The following CPXM2 variants were observed in gnomAD, a reference collection of about 807,000 sequenced individuals.
CPXM2 encodes the protein carboxypeptidase X, M14 family member 2.
In CPXM2, 66 loss-of-function variants were observed where a neutral mutation model predicts 86.1. The observed-to-expected ratio is 0.77, with a 90% CI of 0.63 to 0.94. The LOEUF (loss-of-function observed/expected upper bound fraction) is 0.94. Ranked by LOEUF, CPXM2 falls within the 40% of genes least tolerant of loss-of-function variation. The pLI is 0.00. For synonymous variants in CPXM2, 388 were observed against 400.2 expected (o/e 0.97, Z 0.36); for missense variants, 948 against 1,026.3 (o/e 0.92, Z 1.04).
At chr10:123,859,656 T>C (rs868371125) in intron 3 of CPXM2, among the ~76,000 whole-genome samples, 5 of 152,112 alleles carry the variant, frequency 3.3e-5, no homozygotes, top group Admixed American at 3.3e-4. Context: ...GACTTTCCTG[T>C]GAGAAAGCAT....
intron 3 of CPXM2, among the ~76,000 whole-genome samples, chr10:123,849,744 A>G (rs1848564310): frequency 6.6e-6 from 1 of 152,134 alleles, no homozygotes; most frequent in Admixed American, 6.5e-5. Flanking sequence ...TAAATCAAAT[A>G]TACCTCTCTT....
intron 4 of CPXM2, among the ~76,000 whole-genome samples, chr10:123,831,645 T>C (rs894078219): frequency 1.3e-5 from 2 of 152,026 alleles, no homozygotes; most frequent in African/African-American, 2.4e-5. Context: ...CCTTTTCCAA[T>C]GTCTGCAGGC....
rs1845977321 is a variant in CPXM2, at chr10:123,746,734, T to TC, written c.*29dup. 6.2e-7 allele frequency: 1 copy of TC among 1,610,130 alleles called. No individual in the cohort carries two copies. Among genetic ancestry groups the TC allele is most frequent in the South Asian group, 1.1e-5 (1 of 90,734 alleles). The stretch of plus-strand genomic sequence containing the variant: ...ACCAGGTTGGTTTAATTTGCATGGG[T>TC]CCCAGACGAGTCTCAAGGGCCCAGG... On this transcript the variant is annotated 3_prime_UTR_variant, in exon 14 of 14. Coordinates refer to ENST00000241305, the MANE Select transcript of CPXM2 (RefSeq NM_198148.3).
At chr10:123,903,486 T>C (rs1306783169) in intron 2 of CPXM2, among the ~76,000 whole-genome samples, 1 of 12,592 alleles carries the variant, frequency 7.9e-5, no homozygotes, top group Non-Finnish European at 1.4e-4. Context: ...GCATTTCCTC[T>C]TGAGTGTCCT....
intron 1 of CPXM2, among the ~76,000 whole-genome samples, chr10:123,884,777 G>A (rs1455956794): frequency 6.6e-6 from 1 of 151,688 alleles, no homozygotes; most frequent in African/African-American, 2.4e-5. Context: ...GTCTTCTCTG[G>A]GATACCTGCC....
chr10:123,921,218 G>A (rs1025962488), intron 2 of CPXM2, among the ~76,000 whole-genome samples: 1 of 151,980 alleles, frequency 6.6e-6, no homozygotes, highest in Non-Finnish European at 1.5e-5. Flanking sequence ...TGAAGAAGAT[G>A]GTCAGTTATT....
chr10:123,799,264 T>C (rs1010816943), intron 4 of CPXM2, 65 bp from the exon 5 acceptor site: 13 of 1,595,122 alleles, frequency 8.1e-6, no homozygotes, highest in Non-Finnish European at 1.1e-5. Context: ...CATGAAGAGG[T>C]TTAGAAGTGA....
In CPXM2 at chr10:123,880,298, T is replaced by C. The variant is rs746224473; in HGVS notation, c.316A>G (p.Asn106Asp). The stretch of plus-strand genomic sequence containing the variant: ...CTCTTGGTTCTCATAACTTTTTTGT[T>C]GCTGTGTTTACCTAAAGGGGGAGAG... Reference protein sequence around the residue: ...PEPPPPGKHSNKKVMRTKSSE... With the variant: ...PEPPPPGKHSDKKVMRTKSSE... Residue 106 changes from asparagine to aspartate, a missense_variant, in exon 2 of 14, where the codon AAC (asparagine) becomes GAC (aspartate). Asn to Asp is a conservative substitution (Grantham distance 23). Coordinates refer to ENST00000241305, the MANE Select transcript of CPXM2 (RefSeq NM_198148.3). 1.9e-6 allele frequency: 3 copies of C among 1,541,246 alleles called. No individual in the cohort carries two copies. The highest frequency in any genetic ancestry group is 3.3e-5 in the Admixed American group (2 of 59,916).
intron 2 of CPXM2, among the ~76,000 whole-genome samples, chr10:123,897,432 G>GGCC (rs1945347094): frequency 6.6e-6 from 1 of 152,152 alleles, no homozygotes; most frequent in Non-Finnish European, 1.5e-5. Context: ...AAATGATCGA[G>GGCC]TCAGTTGAAC....
intron 1 of CPXM2, among the ~76,000 whole-genome samples, chr10:123,880,619 G>A (rs1945067356): frequency 6.6e-6 from 1 of 152,020 alleles, no homozygotes; most frequent in African/African-American, 2.4e-5. Context: ...CACAAGGTCA[G>A]GAGATCAAGA....
At chr10:123,925,746 A>C (rs1056378229) in intron 2 of CPXM2, among the ~76,000 whole-genome samples, 1 of 152,100 alleles carries the variant, frequency 6.6e-6, no homozygotes, top group Non-Finnish European at 1.5e-5. Context: ...TTTCCTCTAG[A>C]CTATAAGAGT....
chr10:123,830,626 T>C (rs1848144380), intron 4 of CPXM2, among the ~76,000 whole-genome samples: 1 of 152,154 alleles, frequency 6.6e-6, no homozygotes, highest in African/African-American at 2.4e-5. Flanking sequence ...GCTGGCCGCC[T>C]CCTCTTCCTG....
chr10:123,936,205 C>A (rs1945719210), intron 2 of CPXM2, among the ~76,000 whole-genome samples: 1 of 136,232 alleles, frequency 7.3e-6, no homozygotes, highest in Non-Finnish European at 1.6e-5. Context: ...GCACTATCAT[C>A]CCCATTTTAC....
rs980360605 is a variant in CPXM2 at position 123,787,518 on chromosome 10, G to C, written c.890-7263C>G. 2.0e-4 allele frequency among the ~76,000 whole-genome samples: 30 copies of C among 152,110 alleles called. 1 individual carries two copies. Among genetic ancestry groups the C allele is most frequent in the African/African-American group, 7.2e-4 (30 of 41,410 alleles). ...CCGGCTAATTTTTGTATTTTTAGTA[G>C]AGACGGGGTTTCGCCATGTTGGCCA... On this transcript the variant is annotated intron_variant, in intron 6 of 13. Coordinates refer to ENST00000241305, the MANE Select transcript of CPXM2 (RefSeq NM_198148.3).
intron 2 of CPXM2, among the ~76,000 whole-genome samples, chr10:123,863,435 T>C (rs1463993587): frequency 3.3e-5 from 5 of 152,182 alleles, no homozygotes; most frequent in African/African-American, 4.8e-5. Flanking sequence ...AGGGGGTTTG[T>C]GCAGCAGGCA....
intron 2 of CPXM2, among the ~76,000 whole-genome samples, chr10:123,868,445 A>G (rs894235939): frequency 1.3e-5 from 2 of 152,202 alleles, no homozygotes; most frequent in Non-Finnish European, 2.9e-5. Context: ...AGAAAGGCAG[A>G]GACGGCAGAA....
At chr10:123,923,415 C>A (rs1306171799) in intron 2 of CPXM2, among the ~76,000 whole-genome samples, 4 of 58,038 alleles carry the variant, frequency 6.9e-5, no homozygotes, top group African/African-American at 4.0e-4. Flanking sequence ...CCCGTCTCTA[C>A]TAAAAATACA....
intron 2 of CPXM2, among the ~76,000 whole-genome samples, chr10:123,867,695 G>A (rs964405202): frequency 5.9e-5 from 9 of 152,010 alleles, no homozygotes; most frequent in African/African-American, 1.7e-4. Context: ...ACCATGCCCG[G>A]CTAATTTTTG....
intron 4 of CPXM2, among the ~76,000 whole-genome samples, chr10:123,827,422 A>C (rs1286994278): frequency 6.6e-6 from 1 of 152,250 alleles, no homozygotes; most frequent in Admixed American, 6.5e-5. Flanking sequence ...AAAAATCATA[A>C]ATAAAATAGT....
Sources: allele counts gnomAD v4.1 joint callset (sites outside exome capture counted in the v4.1 genomes callset), GRCh38; gene constraint gnomAD v4.1.1; transcripts MANE v1.5; gene names NCBI Gene and HGNC (gene_info 2026-07-23, HGNC 2026-07-21).